Variants in TMEM131 observed in about 807,000 individuals in gnomAD.
TMEM131 encodes the protein 2610524E03Rik.
Under a neutral mutation model 211.6 loss-of-function variants are expected in TMEM131, and 66 were observed. That is an observed-to-expected ratio of 0.31 (90% CI 0.26 to 0.38). The LOEUF (loss-of-function observed/expected upper bound fraction) is 0.38. Among genes scored for constraint, TMEM131 ranks in the 10% least tolerant of loss-of-function variants. TMEM131 has a pLI of 1.00. For synonymous variants in TMEM131, 844 were observed against 841.3 expected (o/e 1.00, Z -0.06); for missense variants, 2,036 against 2,299.3 (o/e 0.89, Z 2.34).
At chr2:97,913,736 G>A (rs540280489) in intron 2 of TMEM131, among the ~76,000 whole-genome samples, 17 of 152,100 alleles carry the variant, frequency 1.1e-4, no homozygotes, top group Admixed American at 2.0e-4. Context: ...TTGTGCACAC[G>A]GCATGGATGC....
At chr2:97,906,081 T>C (rs1020489228) in intron 3 of TMEM131, among the ~76,000 whole-genome samples, 1 of 152,164 alleles carries the variant, frequency 6.6e-6, no homozygotes, top group Non-Finnish European at 1.5e-5. Flanking sequence ...TTGTAAGGGG[T>C]ATCAAGACAC....
intron 19 of TMEM131, among the ~76,000 whole-genome samples, chr2:97,806,178 A>T (rs555781924): frequency 2.9e-4 from 44 of 152,360 alleles, no homozygotes; most frequent in Admixed American, 4.6e-4. Flanking sequence ...GGAAAAATAT[A>T]TGTCATTTGT....
At chr2:97,850,969 T>C (rs1239923163) in intron 5 of TMEM131, among the ~76,000 whole-genome samples, 3 of 151,670 alleles carry the variant, frequency 2.0e-5, no homozygotes, top group African/African-American at 7.3e-5. Flanking sequence ...GAATGTTTAA[T>C]TTTTAGTGCA....
At chr2:97,916,390 C>T (rs1676509062) in intron 2 of TMEM131, among the ~76,000 whole-genome samples, 1 of 152,180 alleles carries the variant, frequency 6.6e-6, no homozygotes, top group East Asian at 1.9e-4. Flanking sequence ...GTGCAAACAC[C>T]AGCTCTGCCC....
chr2:97,780,845 G>C (rs748603968), intron 31 of TMEM131, among the ~76,000 whole-genome samples: 38 of 152,042 alleles, frequency 2.5e-4, no homozygotes, highest in Non-Finnish European at 4.6e-4. Flanking sequence ...AAGCTGAATG[G>C]AGAAGCGGTT....
intron 5 of TMEM131, among the ~76,000 whole-genome samples, chr2:97,844,733 G>A (rs1683346424): frequency 6.6e-6 from 1 of 152,132 alleles, no homozygotes; most frequent in South Asian, 2.1e-4. Flanking sequence ...AAGAAGGCAG[G>A]GGTGAATGTA....
At chr2:97,763,127 C>T (rs1020296411) in intron 35 of TMEM131, 1 of 152,344 alleles carries the variant, frequency 6.6e-6, no homozygotes, top group Non-Finnish European at 1.5e-5. Flanking sequence ...CTGAGTACCC[C>T]CGGCTCCACT....
intron 1 of TMEM131, among the ~76,000 whole-genome samples, chr2:97,952,808 G>A (rs1400745412): frequency 6.6e-6 from 1 of 152,128 alleles, no homozygotes; most frequent in Non-Finnish European, 1.5e-5. Flanking sequence ...GAGCCCAGGA[G>A]GTCAAGCTGC....
chr2:97,979,286 T>TA (rs916199944), intron 1 of TMEM131, among the ~76,000 whole-genome samples: 9 of 152,218 alleles, frequency 5.9e-5, no homozygotes, highest in South Asian at 2.1e-4. Context: ...GGCTTCAACT[T>TA]AAAGTTACCA....
chr2:97,979,242 C>T (rs982282041), intron 1 of TMEM131, among the ~76,000 whole-genome samples: 1 of 152,114 alleles, frequency 6.6e-6, no homozygotes, highest in Non-Finnish European at 1.5e-5. Flanking sequence ...TTCTTAAGGT[C>T]CCTAGAATTT....
chr2:97,896,009 A>G (rs1310749520), intron 3 of TMEM131, among the ~76,000 whole-genome samples: 1 of 152,204 alleles, frequency 6.6e-6, no homozygotes. Flanking sequence ...ATTTAGTGCT[A>G]TAAATTTCCC....
chr2:97,799,954 T>A (rs878947664), intron 25 of TMEM131, among the ~76,000 whole-genome samples: 1 of 152,088 alleles, frequency 6.6e-6, no homozygotes, highest in African/African-American at 2.4e-5. Context: ...GTTGTAAAAA[T>A]TAAAAAAAAT....
intron 11 of TMEM131, among the ~76,000 whole-genome samples, chr2:97,821,017 T>C (rs562434379): frequency 3.9e-4 from 60 of 152,318 alleles, no homozygotes; most frequent in African/African-American, 1.4e-3. Context: ...TGAAGCTCTG[T>C]AGTTTGCAGA....
intron 31 of TMEM131, among the ~76,000 whole-genome samples, chr2:97,791,289 T>G (rs1391642896): frequency 6.6e-6 from 1 of 152,210 alleles, no homozygotes; most frequent in East Asian, 1.9e-4. Flanking sequence ...CGCGGTTCTC[T>G]CTCCTGGAGT....
chr2:97,891,258 AATT>A (rs1451561142), intron 3 of TMEM131, among the ~76,000 whole-genome samples: 1 of 152,030 alleles, frequency 6.6e-6, no homozygotes, highest in East Asian at 1.9e-4. Flanking sequence ...TGATTTTTAA[AATT>A]ATTATTATTA....
chr2:97,968,822 C>T (rs773062229), intron 1 of TMEM131, among the ~76,000 whole-genome samples: 2 of 152,112 alleles, frequency 1.3e-5, no homozygotes, highest in Non-Finnish European at 2.9e-5. Context: ...CTGGTTCTTG[C>T]CTGTAATCCC....
At chr2:97,859,236 TA>T in intron 5 of TMEM131, 67 bp downstream of exon 5, 1 of 1,477,996 alleles carries the variant, frequency 6.8e-7, no homozygotes, top group Non-Finnish European at 9.1e-7. Flanking sequence ...AGCAAGTTAT[TA>T]ATCAATAAAA....
chr2:97,913,561 A>T (rs151319940), intron 2 of TMEM131, among the ~76,000 whole-genome samples: 74 of 152,346 alleles, frequency 4.9e-4, no homozygotes, highest in African/African-American at 1.5e-3. Flanking sequence ...ACAGAACTGC[A>T]TATGCCTAAA....
intron 1 of TMEM131, among the ~76,000 whole-genome samples, chr2:97,928,340 T>G (rs1310089814): frequency 6.6e-6 from 1 of 152,006 alleles, no homozygotes; most frequent in Non-Finnish European, 1.5e-5. Flanking sequence ...TGGGAAAGGT[T>G]GAATAAGTGA....
Sources: gnomAD v4.1 joint callset for allele counts (sites outside exome capture counted in the v4.1 genomes callset) on GRCh38, gnomAD v4.1.1 for gene constraint, MANE v1.5 for transcripts, NCBI Gene and HGNC (gene_info 2026-07-23, HGNC 2026-07-21) for gene names.